USPL1: variants seen among roughly 807,000 people sequenced by gnomAD.
The protein encoded by USPL1 is SUMO-specific isopeptidase USPL1.
USPL1 carries 27 observed loss-of-function variants against 51.5 expected under a neutral mutation model. The observed-to-expected ratio is 0.52, with a 90% CI of 0.39 to 0.72. The LOEUF is 0.72. Among genes scored for constraint, USPL1 ranks in the 30% least tolerant of loss-of-function variants. The pLI is 0.00. For missense variants in USPL1, 1,226 were observed against 1,268.0 expected, an observed-to-expected ratio of 0.97 and a Z score of 0.50; for synonymous variants, 451 against 459.6, an observed-to-expected ratio of 0.98 and a Z score of 0.24.
chr13:30,658,344 T>A lies in USPL1; in HGVS notation c.2267T>A (p.Val756Glu). The A allele has an allele frequency of 1.2e-6, 2 of 1,613,926 alleles. No individual in the cohort carries two copies. Among genetic ancestry groups the A allele is most frequent in the Non-Finnish European group, 1.7e-6 (2 of 1,180,028 alleles). Residue 756 changes from valine to glutamate, a missense_variant, in exon 9 of 9, where the codon GTG becomes GAG. Transcript: ENST00000255304. ...SLKENQKKPF[V>E]GSWVKGLISR... The stretch of plus-strand genomic sequence containing the variant: ...AAAGAAAATCAGAAGAAGCCATTTG[T>A]GGGAAGTTGGGTTAAAGGCTTAATA...
At position 30,659,331 on chromosome 13, in the gene USPL1, A is replaced by G. The variant is rs1243531461; in HGVS notation, c.3254A>G (p.Asp1085Gly). 6.3e-7 allele frequency: 1 copy of G among 1,599,338 alleles called. No homozygotes were observed. Among genetic ancestry groups the G allele is most frequent in the Middle Eastern group, 1.7e-4 (1 of 5,982 alleles). Residue 1085 changes from aspartate (D) to glycine (G), a missense_variant, in exon 9 of 9, where the codon GAT becomes GGT. Coordinates refer to ENST00000255304, the MANE Select transcript of USPL1 (RefSeq NM_005800.5). ...GACACATTAGACCTACCTCATTTCG[A>G]TGAATATCTGTTTGAGAATTATTGA... ...ANDTLDLPHF[D>G]EYLFENY
intron 4 of USPL1, among the ~76,000 whole-genome samples, 193 bp from the exon 5 acceptor site, chr13:30,637,551 G>A (rs1364001279): frequency 6.6e-6 from 1 of 152,160 alleles, no homozygotes; most frequent in Admixed American, 6.5e-5. Flanking sequence ...AAGTACTAAT[G>A]ATATTGTGCT....
At chr13:30,642,810 G>C in intron 6 of USPL1, 53 bp downstream of exon 6, 1 of 1,576,560 alleles carries the variant, frequency 6.3e-7, no homozygotes, top group African/African-American at 1.4e-5. Context: ...CCACCACTAA[G>C]GTTAAGAGAA....
At chr13:30,641,071 G>C (rs535230726) in intron 5 of USPL1, among the ~76,000 whole-genome samples, 1 of 152,322 alleles carries the variant, frequency 6.6e-6, no homozygotes, top group African/African-American at 2.4e-5. Context: ...CATATTGTTA[G>C]TTGCTTCTCT....
chr13:30,640,342 A>G (rs1460993897), intron 5 of USPL1, among the ~76,000 whole-genome samples: 1 of 152,164 alleles, frequency 6.6e-6, no homozygotes, highest in Non-Finnish European at 1.5e-5. Flanking sequence ...AGTGTTGCAT[A>G]TTTTCATTTC....
intron 5 of USPL1, among the ~76,000 whole-genome samples, chr13:30,642,109 C>T (rs528841624): frequency 2.1e-4 from 32 of 152,096 alleles, no homozygotes; most frequent in South Asian, 1.0e-3. Flanking sequence ...GATAATGCCT[C>T]GCTATATTGG....
At chr13:30,626,239 AG>A (rs1950713916) in intron 3 of USPL1, among the ~76,000 whole-genome samples, 1 of 152,112 alleles carries the variant, frequency 6.6e-6, no homozygotes, top group South Asian at 2.1e-4. Flanking sequence ...GCTTGAAGCC[AG>A]TGGCAGAAGT....
chr13:30,654,186 C>T (rs1951129061), intron 8 of USPL1, among the ~76,000 whole-genome samples: 1 of 152,098 alleles, frequency 6.6e-6, no homozygotes, highest in East Asian at 1.9e-4. Flanking sequence ...GGTTTCCAAC[C>T]CTGACAGCAT....
chr13:30,644,969 TG>T (rs1215771477), intron 6 of USPL1, among the ~76,000 whole-genome samples: 1 of 152,214 alleles, frequency 6.6e-6, no homozygotes, highest in African/African-American at 2.4e-5. Flanking sequence ...ATAAATTCTC[TG>T]GTTTTCTCCT....
Position 30,637,725 on chromosome 13 carries a change from G to C in USPL1, c.869-19G>C, listed in dbSNP as rs1429213914. The stretch of plus-strand genomic sequence containing the variant: ...TATACATTGATGAGGAATTGATAAT[G>C]TTCTCTGTATTTTCTTAGATGGAGA... On this transcript the variant is annotated intron_variant, in intron 4 of 8. Coordinates refer to ENST00000255304, the MANE Select transcript of USPL1 (RefSeq NM_005800.5). 6.4e-7 allele frequency: 1 copy of C among 1,557,400 alleles called. No homozygotes were observed.
At chr13:30,636,121 A>G (rs2137653006) in intron 4 of USPL1, among the ~76,000 whole-genome samples, 1 of 152,284 alleles carries the variant, frequency 6.6e-6, no homozygotes, top group Admixed American at 6.5e-5. Context: ...TCAGTTTCTC[A>G]CAAGCATTTT....
rs567896279 is a variant in USPL1 at position 30,626,304 on chromosome 13, C to T, written c.228+4412C>T. On this transcript the variant is annotated intron_variant, in intron 3 of 8. Coordinates refer to ENST00000255304, the MANE Select transcript of USPL1 (RefSeq NM_005800.5). ...ACTCCAGCCTGGGCGACAGAGGAGA[C>T]TCTATCTCAAAATAAATAAATAAAT... is the stretch of plus-strand genomic sequence containing the variant. Among the ~76,000 whole-genome samples, 673 of 142,466 alleles carry T rather than the reference C, an allele frequency of 4.7e-3. 5 individuals are homozygous for T. Among genetic ancestry groups the T allele is most frequent in the African/African-American group, 0.016 (602 of 37,442 alleles). 93.5% of individuals were successfully genotyped at this position (142,466 alleles called of 152,430 possible).
In USPL1 at chr13:30,618,623, A is replaced by G. The variant is rs1333513202; in HGVS notation, c.-69+567A>G. Among the ~76,000 whole-genome samples, 3 of 152,222 alleles carry G rather than the reference A, an allele frequency of 2.0e-5. No homozygotes were observed. In the East Asian group the frequency reaches 5.8e-4, roughly 29 times the overall value. On this transcript the variant is annotated intron_variant, in intron 1 of 8. Coordinates refer to ENST00000255304, the MANE Select transcript of USPL1 (RefSeq NM_005800.5). ...TAATTGAATACTTTTTGCGATTCCC[A>G]GGGCCACCTTGACACGTTCATTGTG...
chr13:30,655,679 A>G (rs1468362272), intron 8 of USPL1, among the ~76,000 whole-genome samples: 3 of 152,216 alleles, frequency 2.0e-5, no homozygotes, highest in Non-Finnish European at 4.4e-5. Flanking sequence ...TGTCTCTAAC[A>G]TGTTTTGCAA....
rs1238678071 is a variant in USPL1, at chr13:30,658,156, A to C, written c.2079A>C (p.Ser693=). ...DATGLIQGVK[S]VEIEKDAQLK... ...CTGGTCTTATACAGGGAGTGAAGTC[A>C]GTAGAAATTGAGAAGGACGCTCAGT... The change falls in exon 9 of 9, where the codon TCA becomes TCC. Residue 693 remains serine (S), a synonymous_variant. Transcript: ENST00000255304. The C allele has an allele frequency of 6.2e-7, 1 of 1,613,374 alleles. No individual in the cohort carries two copies. The highest frequency in any genetic ancestry group is 1.1e-5 in the South Asian group (1 of 90,796).
At chr13:30,655,548 T>C (rs146770793) in intron 8 of USPL1, among the ~76,000 whole-genome samples, 22 of 152,308 alleles carry the variant, frequency 1.4e-4, no homozygotes, top group Admixed American at 3.9e-4. Context: ...AAAAAGTGAC[T>C]GTGGGAGATA....
chr13:30,658,863 C>T lies in USPL1; in HGVS notation c.2786C>T (p.Pro929Leu). 2 of 1,613,954 alleles carry T rather than the reference C, an allele frequency of 1.2e-6. No homozygotes were observed. Among genetic ancestry groups the T allele is most frequent in the Non-Finnish European group, 1.7e-6 (2 of 1,180,026 alleles). ...GAACAGGTGCCCCAGGATGGGTCTC[C>T]AAATGATTGTGAATCAATAGAGGAC... ...NLEQVPQDGS[P>L]NDCESIEDLL... The change falls in exon 9 of 9, where the codon CCA becomes CTA. Residue 929 changes from proline (P) to leucine (L), a missense_variant. Transcript: ENST00000255304.
intron 4 of USPL1, among the ~76,000 whole-genome samples, chr13:30,634,781 T>C (rs1048349055): frequency 6.6e-6 from 1 of 152,214 alleles, no homozygotes; most frequent in African/African-American, 2.4e-5. Context: ...TTTTCCAAAG[T>C]GGTTGTACCA....
chr13:30,621,636 A>T, intron 2 of USPL1, 128 bp from the exon 3 acceptor site: 1 of 711,852 alleles, frequency 1.4e-6, no homozygotes, highest in Non-Finnish European at 2.0e-6. Context: ...TGCCATGTTT[A>T]AAATACCTTG....
Sources: gnomAD v4.1 joint callset for allele counts (sites outside exome capture counted in the v4.1 genomes callset) on GRCh38, gnomAD v4.1.1 for gene constraint, MANE v1.5 for transcripts, NCBI Gene and HGNC (gene_info 2026-07-23, HGNC 2026-07-21) for gene names.